Variants in SEMA3A observed in about 807,000 individuals in gnomAD.
The protein encoded by SEMA3A is semaphorin-3A.
Under a neutral mutation model 97.9 loss-of-function variants are expected in SEMA3A, and 29 were observed. That is an observed-to-expected ratio of 0.30 (90% CI 0.22 to 0.40). The LOEUF (loss-of-function observed/expected upper bound fraction) is 0.40, where lower values mean the gene tolerates loss of function less well. SEMA3A is among the 10% of genes least tolerant of loss of function. The pLI is 1.00. For synonymous variants in SEMA3A, 321 were observed against 323.7 expected (o/e 0.99, Z 0.09); for missense variants, 763 against 951.3 (o/e 0.80, Z 2.60).
chr7:83,969,532 T>C (rs76179870), intron 15 of SEMA3A, among the ~76,000 whole-genome samples: 94 of 152,274 alleles, frequency 6.2e-4, no homozygotes, highest in African/African-American at 2.0e-3. Context: ...GGTAACACAT[T>C]GAATTTAAAA....
chr7:84,436,891 T>A (rs1408555357), intron 1 of SEMA3A, among the ~76,000 whole-genome samples: 2 of 152,146 alleles, frequency 1.3e-5, no homozygotes, highest in African/African-American at 4.8e-5. Context: ...AAACATTAAA[T>A]TTTAAGTGCA....
intron 1 of SEMA3A, among the ~76,000 whole-genome samples, chr7:84,407,851 C>G (rs1254437473): frequency 6.6e-6 from 1 of 152,160 alleles, no homozygotes; most frequent in Non-Finnish European, 1.5e-5. Flanking sequence ...ATGTAGAAAG[C>G]TGAAACTGGA....
chr7:83,966,266 TCTTATAGA>T (rs1400005128), intron 15 of SEMA3A, among the ~76,000 whole-genome samples: 3 of 152,174 alleles, frequency 2.0e-5, no homozygotes, highest in Non-Finnish European at 4.4e-5. Flanking sequence ...TAGACTATAG[TCTTATAGA>T]CTTATAGACT....
intron 3 of SEMA3A, among the ~76,000 whole-genome samples, chr7:84,277,020 G>A (rs371903386): frequency 6.6e-6 from 1 of 151,988 alleles, no homozygotes; most frequent in Admixed American, 6.6e-5. Flanking sequence ...GGCTTTACAT[G>A]TACCTAAATG....
chr7:84,292,434 TA>T (rs768960520), intron 3 of SEMA3A, among the ~76,000 whole-genome samples: 2,578 of 141,302 alleles, frequency 0.018, 23 homozygotes, highest in Non-Finnish European at 0.024. Context: ...AATACTTGAC[TA>T]AAAAAAAAAA....
At chr7:84,237,811 G>T (rs1479274497) in intron 3 of SEMA3A, among the ~76,000 whole-genome samples, 2 of 152,080 alleles carry the variant, frequency 1.3e-5, no homozygotes, top group Non-Finnish European at 2.9e-5. Context: ...ATACTGTGCT[G>T]AGACCCAGAT....
chr7:84,306,380 A>G (rs2115845336), intron 3 of SEMA3A: 1 of 152,178 alleles, frequency 6.6e-6, no homozygotes, highest in African/African-American at 2.4e-5. Flanking sequence ...AAATTGACAA[A>G]TGAATTTTAT....
intron 3 of SEMA3A, among the ~76,000 whole-genome samples, chr7:84,123,349 C>G (rs1391715863): frequency 6.6e-6 from 1 of 151,860 alleles, no homozygotes; most frequent in African/African-American, 2.4e-5. Context: ...GGTCTCTGTC[C>G]AACAGTATTA....
intron 1 of SEMA3A, among the ~76,000 whole-genome samples, chr7:84,172,006 T>A (rs528931805): frequency 6.6e-6 from 1 of 152,282 alleles, no homozygotes; most frequent in Admixed American, 6.5e-5. Context: ...AAGTAAGAAT[T>A]CACTCTACTT....
At chr7:84,343,930 C>T (rs1802233081) in intron 2 of SEMA3A, among the ~76,000 whole-genome samples, 2 of 151,776 alleles carry the variant, frequency 1.3e-5, no homozygotes, top group Admixed American at 1.3e-4. Flanking sequence ...CACTTGATCC[C>T]AGGAGACTGA....
At chr7:84,399,581 C>T (rs942873097) in intron 1 of SEMA3A, among the ~76,000 whole-genome samples, 10 of 152,150 alleles carry the variant, frequency 6.6e-5, no homozygotes, top group African/African-American at 2.4e-4. Context: ...ATCAGCCCAA[C>T]CACGTTAAAA....
At chr7:84,096,130 C>A (rs934805321) in intron 4 of SEMA3A, among the ~76,000 whole-genome samples, 1 of 151,892 alleles carries the variant, frequency 6.6e-6, no homozygotes, top group Admixed American at 6.6e-5. Flanking sequence ...GCTTTCATTC[C>A]CTTTTAAACA....
rs141966843 is a variant in SEMA3A, at chr7:84,303,247, G to A, written c.-83+3960C>T. On this transcript the variant is annotated intron_variant, in intron 3 of 3. Coordinates refer to the SEMA3A transcript ENST00000424555. ...GGGCACTAACATTTGAGTCAAGGCC[G>A]TGAGGTAAGAGCTTGCTACTTGACC... 2.7e-3 allele frequency among the ~76,000 whole-genome samples: 418 copies of A among 152,204 alleles called. 3 individuals carry two copies. The highest frequency in any genetic ancestry group is 9.8e-3 in the African/African-American group (407 of 41,540).
chr7:84,041,420 T>C (rs1481976606), intron 6 of SEMA3A, among the ~76,000 whole-genome samples: 1 of 152,100 alleles, frequency 6.6e-6, no homozygotes, highest in East Asian at 1.9e-4. Context: ...CTGTGCATTA[T>C]TTGTTGGGAC....
intron 3 of SEMA3A, among the ~76,000 whole-genome samples, chr7:84,226,659 A>G (rs888404285): frequency 1.3e-5 from 2 of 152,202 alleles, no homozygotes; most frequent in Middle Eastern, 3.4e-3. Flanking sequence ...TCCAATTAAA[A>G]GCCAAAGAGC....
intron 1 of SEMA3A, among the ~76,000 whole-genome samples, chr7:84,168,670 CTTTAT>C (rs1048077306): frequency 3.3e-5 from 5 of 151,686 alleles, no homozygotes; most frequent in Non-Finnish European, 7.4e-5. Flanking sequence ...GAAAATTATA[CTTTAT>C]TTTAATCAAT....
chr7:84,135,547 G>A (rs1435418127), intron 1 of SEMA3A, among the ~76,000 whole-genome samples: 2 of 152,046 alleles, frequency 1.3e-5, no homozygotes, highest in Non-Finnish European at 2.9e-5. Context: ...ATGTAGTAAT[G>A]GATTAGACTG....
intron 5 of SEMA3A, among the ~76,000 whole-genome samples, chr7:84,058,800 C>T (rs1793099028): frequency 6.6e-6 from 1 of 152,126 alleles, no homozygotes; most frequent in Non-Finnish European, 1.5e-5. Context: ...CTGAACTTTG[C>T]TCATTCTCTC....
chr7:84,448,330 T>G (rs533436857), intron 1 of SEMA3A, among the ~76,000 whole-genome samples: 19 of 152,210 alleles, frequency 1.2e-4, no homozygotes, highest in South Asian at 2.1e-4. Context: ...AAGAAAGAAA[T>G]AAAATCCAAG....
Sources: allele counts gnomAD v4.1 joint callset (sites outside exome capture counted in the v4.1 genomes callset), GRCh38; gene constraint gnomAD v4.1.1; transcripts MANE v1.5; gene names NCBI Gene and HGNC (gene_info 2026-07-23, HGNC 2026-07-21).